COG5: variants seen among roughly 807,000 people sequenced by gnomAD.
COG5 encodes conserved oligomeric Golgi complex subunit 5.
A neutral mutation model predicts 110.4 loss-of-function variants in COG5; 86 were observed. That is an observed-to-expected ratio of 0.78 (90% confidence interval 0.65 to 0.93). COG5 has a LOEUF of 0.93. COG5 is among the 40% of genes least tolerant of loss of function. The probability of loss-of-function intolerance (pLI) is 0.00; values close to 1 mark genes in which losing one functional copy is unlikely to be tolerated. For missense variants in COG5, 1,077 were observed against 987.0 expected (o/e 1.09, Z -1.22); for synonymous variants, 360 against 334.6 (o/e 1.08, Z -0.83).
chr7:107,394,724 TAA>T (rs1790865468), intron 7 of COG5, among the ~76,000 whole-genome samples: 2 of 152,136 alleles, frequency 1.3e-5, no homozygotes, highest in African/African-American at 2.4e-5. Flanking sequence ...AAATTAGAAA[TAA>T]AAAGTGACAG....
intron 19 of COG5, among the ~76,000 whole-genome samples, chr7:107,216,129 C>G (rs888136428): frequency 1.3e-5 from 2 of 152,060 alleles, no homozygotes; most frequent in Non-Finnish European, 2.9e-5. Context: ...ACAAAATAGA[C>G]TTAAGCTCAA....
chr7:107,409,762 T>C (rs2129065440), intron 7 of COG5, among the ~76,000 whole-genome samples: 1 of 152,326 alleles, frequency 6.6e-6, no homozygotes, highest in African/African-American at 2.4e-5. Context: ...AGTTGTGTCC[T>C]TAAGAATGAA....
At chr7:107,324,004 A>C (rs76264168) in intron 11 of COG5, among the ~76,000 whole-genome samples, 2,863 of 152,288 alleles carry the variant, frequency 0.019, 90 homozygotes, top group African/African-American at 0.064. Context: ...CACGATGTAG[A>C]TATTTCACCT....
intron 10 of COG5, among the ~76,000 whole-genome samples, chr7:107,339,090 T>C (rs1810958390): frequency 6.6e-6 from 1 of 151,952 alleles, no homozygotes; most frequent in Non-Finnish European, 1.5e-5. Flanking sequence ...GCAAATTGGG[T>C]AAAACAAACA....
chr7:107,475,468 T>A, intron 6 of COG5: 1 of 590,750 alleles, frequency 1.7e-6, no homozygotes, highest in Non-Finnish European at 3.0e-6. Flanking sequence ...AAGTATTGGT[T>A]ATGTTGTAAA....
At chr7:107,544,229 G>A (rs1033790790) in intron 5 of COG5, among the ~76,000 whole-genome samples, 4 of 151,918 alleles carry the variant, frequency 2.6e-5, no homozygotes, top group African/African-American at 9.7e-5. Context: ...CATGGTCCCA[G>A]GTGCCAGTGA....
chr7:107,555,379 T>C (rs1409247248), intron 2 of COG5, among the ~76,000 whole-genome samples: 1 of 152,214 alleles, frequency 6.6e-6, no homozygotes, highest in South Asian at 2.1e-4. Context: ...CTGAAGTTCT[T>C]AATCACCAAC....
intron 19 of COG5, among the ~76,000 whole-genome samples, chr7:107,227,170 A>G (rs1290011374): frequency 6.6e-6 from 1 of 152,220 alleles, no homozygotes; most frequent in Non-Finnish European, 1.5e-5. Flanking sequence ...GTGGGTCATT[A>G]AACTAATTTA....
At chr7:107,344,069 G>A (rs149904110) in intron 10 of COG5, among the ~76,000 whole-genome samples, 1 of 152,076 alleles carries the variant, frequency 6.6e-6, no homozygotes, top group African/African-American at 2.4e-5. Context: ...GTTACCAGGG[G>A]CATTAGACCT....
chr7:107,541,523 A>AAAAAAAAAAAAAAAAAAAAATAT (rs60423657), intron 5 of COG5, among the ~76,000 whole-genome samples: 1 of 57,028 alleles, frequency 1.8e-5, no homozygotes, highest in Non-Finnish European at 3.3e-5. Flanking sequence ...AAAAAAAAAA[A>AAAAAAAAAAAAAAAAAAAAATAT]ATATATATAT....
chr7:107,410,008 CTGTTTTGTTTTGTT>C lies in COG5; in HGVS notation c.669+2480_669+2493del, dbSNP rs760088230. Among the ~76,000 whole-genome samples, 120 of 152,248 alleles carry C rather than the reference CTGTTTTGTTTTGTT, an allele frequency of 7.9e-4. 1 individual carries two copies. Among genetic ancestry groups the C allele is most frequent in the Non-Finnish European group, 1.5e-3 (103 of 68,020 alleles). Reference sequence around the variant, plus strand: ...TTAGTTACAACAGTCTTACAGTTGTCTGTTTTGTTTTGTTTGTTTTGTTTTTGTTTTTTAAGAGC... The same window carrying C: ...TTAGTTACAACAGTCTTACAGTTGTCTGTTTTGTTTTTGTTTTTTAAGAGC... On this transcript the variant is annotated intron_variant, in intron 7 of 21. Coordinates refer to ENST00000297135, the MANE Select transcript of COG5 (RefSeq NM_006348.5).
intron 15 of COG5, among the ~76,000 whole-genome samples, chr7:107,257,998 T>C (rs1156900807): frequency 6.6e-6 from 1 of 152,140 alleles, no homozygotes; most frequent in Non-Finnish European, 1.5e-5. Flanking sequence ...GAAATATGTA[T>C]GATCTGTCCT....
At chr7:107,467,703 T>C (rs1354456251) in intron 6 of COG5, among the ~76,000 whole-genome samples, 4 of 152,186 alleles carry the variant, frequency 2.6e-5, no homozygotes, top group African/African-American at 9.7e-5. Flanking sequence ...CAATCAGTAG[T>C]TGAGATATTT....
intron 5 of COG5, among the ~76,000 whole-genome samples, chr7:107,529,238 G>A (rs765905192): frequency 1.3e-5 from 2 of 152,148 alleles, no homozygotes; most frequent in Non-Finnish European, 2.9e-5. Context: ...CACTGTTATT[G>A]TTGCAGGTAG....
chr7:107,215,062 A>C (rs2116244578), intron 19 of COG5, among the ~76,000 whole-genome samples: 1 of 152,296 alleles, frequency 6.6e-6, no homozygotes, highest in Middle Eastern at 3.4e-3. Flanking sequence ...TATGTTATCA[A>C]AATTCAGTGT....
chr7:107,310,815 G>T (rs757758817), intron 11 of COG5, among the ~76,000 whole-genome samples: 1 of 152,082 alleles, frequency 6.6e-6, no homozygotes, highest in African/African-American at 2.4e-5. Context: ...GATAACAAAG[G>T]CCTGTCAGCA....
At chr7:107,254,200 A>G (rs1415902547) in intron 16 of COG5, among the ~76,000 whole-genome samples, 1 of 152,212 alleles carries the variant, frequency 6.6e-6, no homozygotes, top group Non-Finnish European at 1.5e-5. Flanking sequence ...TTATATGTCT[A>G]TATCTATATT....
chr7:107,314,087 T>C (rs1482408072), intron 11 of COG5, among the ~76,000 whole-genome samples: 4 of 152,124 alleles, frequency 2.6e-5, no homozygotes, highest in African/African-American at 9.7e-5. Context: ...TACAAGTACA[T>C]GCAGCAATAT....
At chr7:107,308,417 C>T (rs1203778854) in intron 11 of COG5, among the ~76,000 whole-genome samples, 3 of 152,036 alleles carry the variant, frequency 2.0e-5, no homozygotes, top group African/African-American at 7.2e-5. Flanking sequence ...GATCAGATTC[C>T]AGGTTTTATC....
Sources: allele counts gnomAD v4.1 joint callset (sites outside exome capture counted in the v4.1 genomes callset), GRCh38; gene constraint gnomAD v4.1.1; transcripts MANE v1.5; gene names NCBI Gene and HGNC (gene_info 2026-07-23, HGNC 2026-07-21).